CNTNAP2: variants seen among roughly 807,000 people sequenced by gnomAD.
The protein encoded by CNTNAP2 is contactin-associated protein-like 2.
A neutral mutation model predicts 155.2 loss-of-function variants in CNTNAP2; 98 were observed. The observed-to-expected ratio is 0.63, with a 90% confidence interval of 0.54 to 0.75. CNTNAP2 has a LOEUF of 0.75. Ranked by LOEUF, CNTNAP2 falls within the 30% of genes least tolerant of loss-of-function variation. The pLI, the probability that CNTNAP2 is intolerant of heterozygous loss-of-function variation, is 0.00. For missense variants in CNTNAP2, 1,727 were observed against 1,688.1 expected, an observed-to-expected ratio of 1.02 and a Z score of -0.40; for synonymous variants, 651 against 631.2, an observed-to-expected ratio of 1.03 and a Z score of -0.47.
intron 1 of CNTNAP2, among the ~76,000 whole-genome samples, chr7:146,556,695 A>G (rs1798203344): frequency 6.6e-6 from 1 of 152,176 alleles, no homozygotes; most frequent in Admixed American, 6.5e-5. Flanking sequence ...TCCTTGAAAC[A>G]AACATTACCC....
chr7:147,867,352 C>A (rs991823690), intron 13 of CNTNAP2, among the ~76,000 whole-genome samples: 1 of 152,156 alleles, frequency 6.6e-6, no homozygotes, highest in South Asian at 2.1e-4. Flanking sequence ...TGTGGGTAAC[C>A]CGACCTTTCT....
chr7:146,731,790 C>G (rs1801530258), intron 1 of CNTNAP2, among the ~76,000 whole-genome samples: 1 of 152,098 alleles, frequency 6.6e-6, no homozygotes, highest in Non-Finnish European at 1.5e-5. Flanking sequence ...AGGTTTTGTT[C>G]TGCACACCAC....
chr7:146,841,448 G>A (rs1380416799), intron 3 of CNTNAP2, among the ~76,000 whole-genome samples: 2 of 152,106 alleles, frequency 1.3e-5, no homozygotes, highest in Non-Finnish European at 2.9e-5. Flanking sequence ...AGTAAACAGT[G>A]AAGGCTTGGA....
chr7:147,384,625 T>C lies in CNTNAP2; in HGVS notation c.1499-10984T>C, dbSNP rs572185695. Among the ~76,000 whole-genome samples the C allele has an allele frequency of 3.3e-5, 5 of 152,298 alleles. No homozygotes were observed. In the East Asian group the frequency reaches 9.7e-4, roughly 29 times the overall value. ...GTGGCCTGAAAATTATCAGACACTA[T>C]GAAGAGCAATCTCATCAATAATCCA... On this transcript the variant is annotated intron_variant, in intron 9 of 23. Coordinates refer to ENST00000361727, the MANE Select transcript of CNTNAP2 (RefSeq NM_014141.6).
At chr7:146,255,018 G>GA (rs368433092) in intron 1 of CNTNAP2, among the ~76,000 whole-genome samples, 30 of 148,994 alleles carry the variant, frequency 2.0e-4, no homozygotes, top group South Asian at 6.4e-4. Context: ...GTAGAAAGTT[G>GA]AAAAAAAAAA....
At chr7:147,497,124 T>A (rs1232441363) in intron 11 of CNTNAP2, 2 of 152,246 alleles carry the variant, frequency 1.3e-5, no homozygotes, top group Non-Finnish European at 2.9e-5. Context: ...ATCGCTGATT[T>A]GGAAATCTTT....
chr7:147,736,049 C>T (rs200073467), intron 13 of CNTNAP2, among the ~76,000 whole-genome samples: 2,479 of 119,394 alleles, frequency 0.021, 82 homozygotes, highest in Middle Eastern at 0.092. Context: ...TATGTGTGAA[C>T]TTGATCCTGT....
chr7:147,487,992 G>A (rs1329827366), intron 11 of CNTNAP2, among the ~76,000 whole-genome samples: 3 of 152,074 alleles, frequency 2.0e-5, no homozygotes, highest in East Asian at 1.9e-4. Context: ...AATATCCAAC[G>A]TGTGCATAAA....
At chr7:147,902,176 A>C (rs2116749120) in intron 13 of CNTNAP2, among the ~76,000 whole-genome samples, 1 of 152,320 alleles carries the variant, frequency 6.6e-6, no homozygotes, top group Middle Eastern at 3.4e-3. Flanking sequence ...AAATCACAGA[A>C]GTTTGAATGT....
At chr7:146,335,926 G>A (rs963328005) in intron 1 of CNTNAP2, among the ~76,000 whole-genome samples, 10 of 152,006 alleles carry the variant, frequency 6.6e-5, no homozygotes, top group South Asian at 6.2e-4. Context: ...TGGCCAGGGC[G>A]CGGTGACCCA....
At chr7:146,238,439 A>G (rs1474785301) in intron 1 of CNTNAP2, among the ~76,000 whole-genome samples, 1 of 152,194 alleles carries the variant, frequency 6.6e-6, no homozygotes, top group Non-Finnish European at 1.5e-5. Flanking sequence ...AGCAGGAAAA[A>G]TGTCCGAAGT....
At chr7:146,356,889 A>G (rs1037172931) in intron 1 of CNTNAP2, among the ~76,000 whole-genome samples, 2 of 152,138 alleles carry the variant, frequency 1.3e-5, no homozygotes, top group Non-Finnish European at 2.9e-5. Flanking sequence ...CTGGGAGCCC[A>G]CTGTAAATGA....
At chr7:147,400,636 A>G (rs1796896635) in intron 10 of CNTNAP2, among the ~76,000 whole-genome samples, 1 of 152,130 alleles carries the variant, frequency 6.6e-6, no homozygotes, top group Admixed American at 6.5e-5. Context: ...ACTTTATGCT[A>G]GGCAGAAGCA....
At chr7:147,219,839 C>A (rs1320510478) in intron 8 of CNTNAP2, among the ~76,000 whole-genome samples, 1 of 151,968 alleles carries the variant, frequency 6.6e-6, no homozygotes, top group Non-Finnish European at 1.5e-5. Flanking sequence ...GCAGTGGCGC[C>A]ATCTCGGCTC....
chr7:146,648,369 A>G (rs1799850859), intron 1 of CNTNAP2, among the ~76,000 whole-genome samples: 1 of 152,138 alleles, frequency 6.6e-6, no homozygotes, highest in South Asian at 2.1e-4. Flanking sequence ...TTCTCTTTGT[A>G]GTTATAATCA....
intron 15 of CNTNAP2, among the ~76,000 whole-genome samples, chr7:148,066,980 C>A (rs1303561402): frequency 2.6e-5 from 4 of 151,970 alleles, no homozygotes; most frequent in African/African-American, 9.7e-5. Flanking sequence ...TTATGTATTT[C>A]TCTAGAGATT....
chr7:148,187,640 G>C (rs892326591), intron 18 of CNTNAP2, among the ~76,000 whole-genome samples: 6 of 152,112 alleles, frequency 3.9e-5, no homozygotes, highest in African/African-American at 1.4e-4. Context: ...CTGTTTCCTT[G>C]CTTTTATTGC....
At chr7:146,647,684 A>G (rs1161726400) in intron 1 of CNTNAP2, among the ~76,000 whole-genome samples, 1 of 152,138 alleles carries the variant, frequency 6.6e-6, no homozygotes, top group Non-Finnish European at 1.5e-5. Flanking sequence ...TTACTTGATA[A>G]ACAGTGCAGC....
chr7:148,401,954 A>G lies in CNTNAP2; in HGVS notation c.3716-7437A>G, dbSNP rs556890740. 2.0e-5 allele frequency among the ~76,000 whole-genome samples: 3 copies of G among 152,310 alleles called. No homozygotes were observed. In the East Asian group the frequency reaches 5.8e-4, roughly 29 times the overall value. On this transcript the variant is annotated intron_variant, in intron 22 of 23. Coordinates refer to ENST00000361727, the MANE Select transcript of CNTNAP2 (RefSeq NM_014141.6). ...TATCGTTAATCAGACAAAAGAGTAC[A>G]ATGTCAGCCTACTCTGAGAGCATTA...
Sources: allele counts gnomAD v4.1 joint callset (sites outside exome capture counted in the v4.1 genomes callset), GRCh38; gene constraint gnomAD v4.1.1; transcripts MANE v1.5; gene names NCBI Gene and HGNC (gene_info 2026-07-23, HGNC 2026-07-21).